Variants in C7 observed in about 807,000 individuals in gnomAD.
The protein encoded by C7 is complement component C7.
Under a neutral mutation model 104.8 loss-of-function variants are expected in C7, and 83 were observed. The ratio of observed to expected loss-of-function variants is 0.79; its 90% CI spans 0.66 to 0.95. C7 has a LOEUF of 0.95. Among genes scored for constraint, C7 ranks in the 40% least tolerant of loss-of-function variants. C7 has a pLI of 0.00. For missense variants in C7, 1,070 were observed against 1,011.2 expected, an observed-to-expected ratio of 1.06 and a Z score of -0.79; for synonymous variants, 415 against 360.6, an observed-to-expected ratio of 1.15 and a Z score of -1.71.
chr5:40,919,566 G>A (rs747318035), intron 1 of C7, among the ~76,000 whole-genome samples: 5 of 152,060 alleles, frequency 3.3e-5, no homozygotes, highest in Non-Finnish European at 7.4e-5. Flanking sequence ...GTTCAAGGCT[G>A]CAGTAGCTAT....
chr5:40,921,637 G>T (rs10076486), intron 1 of C7, among the ~76,000 whole-genome samples: 34,412 of 151,376 alleles, frequency 0.23, 4,093 homozygotes, highest in East Asian at 0.32. Context: ...AACAAAAATA[G>T]CATACTACTG....
At chr5:40,956,060 T>C (rs1175430021) in intron 10 of C7, among the ~76,000 whole-genome samples, 1 of 152,124 alleles carries the variant, frequency 6.6e-6, no homozygotes, top group Non-Finnish European at 1.5e-5. Context: ...CTAAAAATCA[T>C]TGAGCTATGC....
At chr5:40,929,311 CA>C (rs1739626973) in intron 2 of C7, among the ~76,000 whole-genome samples, 1 of 152,134 alleles carries the variant, frequency 6.6e-6, no homozygotes, top group South Asian at 2.1e-4. Context: ...GCAGGAAGGT[CA>C]AGCAAACTTC....
rs761294249 is a variant in C7 at position 40,979,896 on chromosome 5, G to T, written c.2337G>T (p.Trp779Cys). The T allele has an allele frequency of 2.5e-6, 4 of 1,587,242 alleles. No homozygotes were observed. The East Asian group carries it at 9.0e-5, about 36-fold the overall frequency. The change falls in exon 17 of 18, where the codon TGG becomes TGT. Residue 779 changes from tryptophan to cysteine, a missense_variant. By Grantham distance (215) the Trp-to-Cys change is radical. Coordinates refer to ENST00000313164, the MANE Select transcript of C7 (RefSeq NM_000587.4). ...AEKACGACPL[W>C]GKCDAESSKC... ...AAGCTTGTGGTGCCTGCCCACTGTG[G>T]GGAAAATGTGATGGTAAGGGGCCTT...
chr5:40,927,920 T>C (rs1192475216), intron 1 of C7, among the ~76,000 whole-genome samples: 1 of 152,140 alleles, frequency 6.6e-6, no homozygotes, highest in Admixed American at 6.5e-5. Context: ...AAAATTATCA[T>C]ATGATCTAGC....
At chr5:40,924,711 G>T (rs759608351) in intron 1 of C7, among the ~76,000 whole-genome samples, 1 of 152,160 alleles carries the variant, frequency 6.6e-6, no homozygotes, top group South Asian at 2.1e-4. Context: ...GTGTGCCTAT[G>T]AGCCTAATAC....
intron 5 of C7, among the ~76,000 whole-genome samples, chr5:40,936,921 C>A (rs1048616539): frequency 6.6e-6 from 1 of 152,112 alleles, no homozygotes; most frequent in African/African-American, 2.4e-5. Context: ...CCAGGCTGAA[C>A]AGCAATTGTC....
intron 15 of C7, among the ~76,000 whole-genome samples, chr5:40,975,200 A>T (rs1437113945): frequency 6.6e-6 from 1 of 151,804 alleles, no homozygotes; most frequent in East Asian, 1.9e-4. Flanking sequence ...TACATAACAC[A>T]ACTTGGTTAA....
At chr5:40,934,117 A>G (rs937190458) in intron 3 of C7, among the ~76,000 whole-genome samples, 7 of 151,774 alleles carry the variant, frequency 4.6e-5, no homozygotes, top group African/African-American at 1.5e-4. Context: ...AATAATAGCC[A>G]ACATGTTGCT....
At chr5:40,926,363 A>T (rs1005064564) in intron 1 of C7, among the ~76,000 whole-genome samples, 12 of 43,106 alleles carry the variant, frequency 2.8e-4, no homozygotes, top group Admixed American at 2.2e-3. Context: ...AAAAATGCCC[A>T]CTTTTGCCAC....
chr5:40,969,617 G>A (rs1740646921), intron 14 of C7, among the ~76,000 whole-genome samples: 1 of 152,128 alleles, frequency 6.6e-6, no homozygotes, highest in African/African-American at 2.4e-5. Flanking sequence ...GATTCCAACT[G>A]AAGGTATGGG....
At chr5:40,941,927 T>C (rs1444774275) in intron 6 of C7, among the ~76,000 whole-genome samples, 4 of 152,182 alleles carry the variant, frequency 2.6e-5, no homozygotes, top group Non-Finnish European at 5.9e-5. Flanking sequence ...CTCTTGGAAT[T>C]AGCATAGAGG....
chr5:40,941,169 T>C (rs1297869479), intron 6 of C7, among the ~76,000 whole-genome samples: 1 of 151,928 alleles, frequency 6.6e-6, no homozygotes, highest in East Asian at 1.9e-4. Flanking sequence ...GTTCAAGCGA[T>C]TCTCATGCCT....
chr5:40,928,729 G>T, intron 2 of C7, 94 bp downstream of exon 2: 2 of 676,346 alleles, frequency 3.0e-6, no homozygotes, highest in South Asian at 3.9e-5. Flanking sequence ...CTTTGAATCT[G>T]TGTATCCCTC....
intron 8 of C7, among the ~76,000 whole-genome samples, chr5:40,948,774 C>A (rs1740103781): frequency 6.6e-6 from 1 of 152,138 alleles, no homozygotes; most frequent in Non-Finnish European, 1.5e-5. Context: ...CCTCTCTATT[C>A]CAAATCCCCT....
chr5:40,928,618 G>A lies in C7; in HGVS notation c.45G>A (p.Glu15=). The change falls in exon 2 of 18, where the codon GAG becomes GAA. Residue 15 remains glutamate, a synonymous_variant. Coordinates refer to ENST00000313164, the MANE Select transcript of C7 (RefSeq NM_000587.4). The part of the protein sequence containing the change: ...SLFILVGFIG[E]FQSFSSASSP... The stretch of plus-strand genomic sequence containing the variant: ...TCATTTTGGTGGGATTTATAGGAGA[G>A]TTCCAAAGTTTTTCAAGGTGAGGAC... 6.4e-7 allele frequency: 1 copy of A among 1,552,222 alleles called. No individual in the cohort carries two copies. Among genetic ancestry groups the A allele is most frequent in the Non-Finnish European group, 8.7e-7 (1 of 1,144,500 alleles).
chr5:40,955,095 A>AT (rs1311942425), intron 9 of C7, among the ~76,000 whole-genome samples: 3 of 152,088 alleles, frequency 2.0e-5, no homozygotes, highest in African/African-American at 7.2e-5. Flanking sequence ...ACATTGACAC[A>AT]TTGTCATCCA....
In C7 at chr5:40,979,849, A is replaced by G. The variant is rs1474503779; in HGVS notation, c.2290A>G (p.Thr764Ala). The change falls in exon 17 of 18, where the codon ACT (threonine) becomes GCT (alanine). Residue 764 changes from threonine to alanine, a missense_variant. Thr to Ala is a moderately conservative substitution (Grantham distance 58). Transcript: ENST00000313164. ...CACCCTTACTGGTAGGGACAGCTGTACTCTGCCTGCCTCAGCTGAGAAAGC... is the reference window on the plus strand; with the variant it reads ...CACCCTTACTGGTAGGGACAGCTGTGCTCTGCCTGCCTCAGCTGAGAAAGC... ...NYTLTGRDSC[T>A]LPASAEKACG... 1 of 1,611,326 alleles carries G rather than the reference A, an allele frequency of 6.2e-7. No homozygotes were observed. The highest frequency in any genetic ancestry group is 2.2e-5 in the East Asian group (1 of 44,838).
chr5:40,920,326 T>C (rs764825660), intron 1 of C7, among the ~76,000 whole-genome samples: 4 of 152,108 alleles, frequency 2.6e-5, no homozygotes, highest in Non-Finnish European at 5.9e-5. Flanking sequence ...TTTTCTACTG[T>C]TACATTGCAA....
Sources: allele counts gnomAD v4.1 joint callset (sites outside exome capture counted in the v4.1 genomes callset), GRCh38; gene constraint gnomAD v4.1.1; transcripts MANE v1.5; gene names NCBI Gene and HGNC (gene_info 2026-07-23, HGNC 2026-07-21).